The following TPTE variants were observed in gnomAD, a reference collection of about 807,000 sequenced individuals.
TPTE encodes transmembrane phosphatase with tensin homology.
Under a neutral mutation model 84.1 loss-of-function variants are expected in TPTE, and 59 were observed. The observed-to-expected ratio is 0.70, with a 90% CI of 0.57 to 0.87. TPTE has a LOEUF of 0.87. TPTE is among the 40% of genes least tolerant of loss of function. The pLI is 0.00. For synonymous variants in TPTE, 130 were observed against 223.5 expected (o/e 0.58, Z 3.73); for missense variants, 382 against 659.6 (o/e 0.58, Z 4.61).
intron 7 of TPTE, among the ~76,000 whole-genome samples, chr21:10,550,144 A>G (rs1420103231): frequency 1.3e-5 from 2 of 152,310 alleles, no homozygotes; most frequent in Non-Finnish European, 2.9e-5. Context: ...CACTAGACCA[A>G]CATTACAAGA....
chr21:10,600,451 T>C (rs1025222612), intron 21 of TPTE, among the ~76,000 whole-genome samples: 4 of 152,306 alleles, frequency 2.6e-5, no homozygotes, highest in African/African-American at 7.2e-5. Flanking sequence ...TTTTTCTAAT[T>C]TCTACTTTGT....
intron 3 of TPTE, among the ~76,000 whole-genome samples, chr21:10,537,379 A>G (rs1188064742): frequency 1.1e-4 from 17 of 152,306 alleles, no homozygotes; most frequent in African/African-American, 3.6e-4. Flanking sequence ...GTGAACTGTG[A>G]GACAGAAATA....
At chr21:10,601,306 C>G (rs1377562295) in intron 21 of TPTE, among the ~76,000 whole-genome samples, 19 of 152,278 alleles carry the variant, frequency 1.2e-4, no homozygotes, top group Admixed American at 3.9e-4. Context: ...AGATCGAGAC[C>G]ATCCTGGTCA....
rs1176669552 is a variant in TPTE, at chr21:10,589,545, C to T, written c.1028-917C>T. On this transcript the variant is annotated intron_variant, in intron 17 of 23. Coordinates refer to ENST00000618007, the MANE Select transcript of TPTE (RefSeq NM_199261.4). ...GGAAGATTCCCCCAGTGTTGTCCTG[C>T]TCCCAGTCCAGGTTTGGGAAAATGC... is the stretch of plus-strand genomic sequence containing the variant. 3.3e-5 allele frequency among the ~76,000 whole-genome samples: 5 copies of T among 152,418 alleles called. No individual in the cohort carries two copies. The East Asian group carries it at 7.7e-4, about 24-fold the overall frequency.
intron 2 of TPTE, among the ~76,000 whole-genome samples, chr21:10,526,403 A>G (rs1400389485): frequency 1.3e-5 from 2 of 152,310 alleles, no homozygotes; most frequent in Admixed American, 1.3e-4. Flanking sequence ...AACTTTTCTT[A>G]AAGACATAAA....
intron 14 of TPTE, chr21:10,576,684 G>A (rs1162024955): frequency 1.3e-5 from 2 of 152,322 alleles, no homozygotes; most frequent in South Asian, 2.1e-4. Flanking sequence ...TTAAAATTTT[G>A]TGTCATTTTT....
At chr21:10,548,114 C>A (rs1324366657) in intron 7 of TPTE, among the ~76,000 whole-genome samples, 1 of 152,308 alleles carries the variant, frequency 6.6e-6, no homozygotes, top group African/African-American at 2.4e-5. Context: ...GCAGGCACAC[C>A]ACCGAGTGGG....
intron 10 of TPTE, among the ~76,000 whole-genome samples, 193 bp downstream of exon 10, chr21:10,561,384 T>A (rs1421894755): frequency 2.0e-5 from 3 of 151,886 alleles, no homozygotes; most frequent in Non-Finnish European, 4.4e-5. Context: ...CCCAGCTGTT[T>A]GGGAGGCTGA....
In TPTE at chr21:10,602,136, C is replaced by A. The variant is rs755481564; in HGVS notation, c.1435C>A (p.Gln479Lys). The A allele has an allele frequency of 1.2e-6, 2 of 1,612,754 alleles. No individual in the cohort carries two copies. The highest frequency in any genetic ancestry group is 1.7e-6 in the Non-Finnish European group (2 of 1,178,734). Residue 479 changes from glutamine (Q) to lysine (K), a missense_variant, in exon 22 of 24, where the codon CAG becomes AAG. By Grantham distance (53) the Gln-to-Lys change is moderately conservative. Coordinates refer to ENST00000618007, the MANE Select transcript of TPTE (RefSeq NM_199261.4). The stretch of plus-strand genomic sequence containing the variant: ...ACCTCTGTATGATGATGTGAAAGTG[C>A]AGTTTTTCTATTCGGTGAGTAATCA... ...GLPLYDDVKV[Q>K]FFYSNLPTYY... is the part of the protein sequence containing the mutation.
chr21:10,586,439 CT>C (rs200281593), intron 17 of TPTE, among the ~76,000 whole-genome samples: 765 of 150,780 alleles, frequency 5.1e-3, no homozygotes, highest in African/African-American at 0.018. Flanking sequence ...GTATTTTTTT[CT>C]TTTTTAGTTC....
chr21:10,558,223 C>T (rs1407892931), intron 8 of TPTE, among the ~76,000 whole-genome samples: 2 of 152,308 alleles, frequency 1.3e-5, no homozygotes, highest in Non-Finnish European at 1.5e-5. Flanking sequence ...CATTCATATG[C>T]ATGTATCTTT....
chr21:10,599,830 GGTTC>G (rs1204787400), intron 21 of TPTE, among the ~76,000 whole-genome samples: 2 of 140,506 alleles, frequency 1.4e-5, no homozygotes, highest in African/African-American at 2.6e-5. Context: ...TTAGTTAGTT[GGTTC>G]TTTCTTTCCT....
chr21:10,560,614 G>T (rs1383586710), intron 9 of TPTE, among the ~76,000 whole-genome samples: 12 of 152,302 alleles, frequency 7.9e-5, no homozygotes, highest in African/African-American at 2.4e-4. Context: ...CTTTCATTTG[G>T]TTTTTATTAA....
intron 23 of TPTE, among the ~76,000 whole-genome samples, chr21:10,604,953 T>G (rs1279836376): frequency 6.6e-6 from 1 of 152,312 alleles, no homozygotes; most frequent in Non-Finnish European, 1.5e-5. Context: ...TTAACCAATT[T>G]ATGCCTAGTG....
intron 8 of TPTE, among the ~76,000 whole-genome samples, chr21:10,554,901 C>T (rs2074650617): frequency 6.6e-6 from 1 of 152,308 alleles, no homozygotes; most frequent in Non-Finnish European, 1.5e-5. Flanking sequence ...TGTCCTTACC[C>T]TGTTTTAGTG....
In TPTE at chr21:10,529,458, G is replaced by A. The variant is rs561208834; in HGVS notation, c.-44+2046G>A. Among the ~76,000 whole-genome samples, 11 of 152,418 alleles carry A rather than the reference G, an allele frequency of 7.2e-5. No homozygotes were observed. The South Asian group carries it at 2.1e-3, about 29-fold the overall frequency. ...GAGTTAACACAAAAGTAGACTGTGAGATTAAAATGTCTGTTCACTCTAAAA... is the reference window on the plus strand; with the variant it reads ...GAGTTAACACAAAAGTAGACTGTGAAATTAAAATGTCTGTTCACTCTAAAA... On this transcript the variant is annotated intron_variant, in intron 3 of 23. Transcript: ENST00000618007.
Position 10,538,766 on chromosome 21 carries a change from C to T in TPTE, c.11+32C>T, listed in dbSNP as rs373727696. On this transcript the variant is annotated intron_variant, in intron 4 of 23. Transcript: ENST00000618007. Reference sequence around the variant, plus strand: ...TATGCGTACGTGTGTCTTTATTTATCGAATTATAACTGAGCATAGAAGTAT... The same window carrying T: ...TATGCGTACGTGTGTCTTTATTTATTGAATTATAACTGAGCATAGAAGTAT... 55 of 1,614,020 alleles carry T rather than the reference C, an allele frequency of 3.4e-5. No individual in the cohort carries two copies. The East Asian group carries it at 8.5e-4, about 25-fold the overall frequency.
At chr21:10,583,869 T>G (rs1441320485) in intron 17 of TPTE, among the ~76,000 whole-genome samples, 1 of 152,312 alleles carries the variant, frequency 6.6e-6, no homozygotes, top group Admixed American at 6.5e-5. Context: ...TGTTCATTGA[T>G]TTTTCATCTG....
intron 3 of TPTE, among the ~76,000 whole-genome samples, chr21:10,535,000 G>C (rs1349702256): frequency 1.3e-5 from 2 of 152,310 alleles, no homozygotes; most frequent in Non-Finnish European, 2.9e-5. Context: ...CTAGGGACTA[G>C]AAATCTGAAA....
Sources: allele counts gnomAD v4.1 joint callset (sites outside exome capture counted in the v4.1 genomes callset), GRCh38; gene constraint gnomAD v4.1.1; transcripts MANE v1.5; gene names NCBI Gene and HGNC (gene_info 2026-07-23, HGNC 2026-07-21).